The following LAMA1 variants were observed in gnomAD, a reference collection of about 807,000 sequenced individuals.
LAMA1 encodes laminin subunit alpha-1.
In LAMA1, 219 loss-of-function variants were observed where a neutral mutation model predicts 348.7. That is an observed-to-expected ratio of 0.63 (90% CI 0.56 to 0.70). The LOEUF (loss-of-function observed/expected upper bound fraction) is 0.70. Ranked by LOEUF, LAMA1 falls within the 30% of genes least tolerant of loss-of-function variation. The pLI, the probability that LAMA1 is intolerant of heterozygous loss-of-function variation, is 0.00. For synonymous variants in LAMA1, 1,487 were observed against 1,491.0 expected (o/e 1.00, Z 0.06); for missense variants, 3,744 against 3,888.0 (o/e 0.96, Z 0.99).
intron 44 of LAMA1, among the ~76,000 whole-genome samples, chr18:6,976,663 G>A (rs964990524): frequency 6.6e-6 from 1 of 151,884 alleles, no homozygotes; most frequent in African/African-American, 2.4e-5. Context: ...CTGGAGTGCA[G>A]TGGCGTGATC....
chr18:7,042,869 G>A (rs1004458616), intron 8 of LAMA1: 7 of 245,632 alleles, frequency 2.8e-5, no homozygotes, highest in African/African-American at 1.2e-4. Context: ...GCGACAGAGC[G>A]AGACTCCGTC....
At chr18:7,048,097 G>A (rs79948100) in intron 5 of LAMA1, among the ~76,000 whole-genome samples, 2,486 of 152,154 alleles carry the variant, frequency 0.016, 58 homozygotes, top group African/African-American at 0.056. Flanking sequence ...CAAGTAGAAC[G>A]GATATGTTTG....
chr18:6,949,432 G>A (rs2057536728), intron 58 of LAMA1, among the ~76,000 whole-genome samples, 173 bp from the exon 59 acceptor site: 1 of 152,210 alleles, frequency 6.6e-6, no homozygotes, highest in Non-Finnish European at 1.5e-5. Flanking sequence ...GGATGAGCCT[G>A]GCAGAAGAAA....
intron 3 of LAMA1, among the ~76,000 whole-genome samples, chr18:7,077,396 G>A (rs1018360271): frequency 1.4e-4 from 22 of 151,814 alleles, no homozygotes; most frequent in East Asian, 9.7e-4. Context: ...TAGTAGAGAC[G>A]GGATTTCACT....
intron 3 of LAMA1, among the ~76,000 whole-genome samples, chr18:7,064,237 T>A (rs2058113602): frequency 6.6e-6 from 1 of 151,848 alleles, no homozygotes; most frequent in African/African-American, 2.4e-5. Flanking sequence ...AAGGTTACAA[T>A]GGTAAATTTT....
Position 7,016,655 on chromosome 18 carries a change from A to G in LAMA1, c.2825T>C (p.Leu942Pro), listed in dbSNP as rs1189978581. 1.9e-6 allele frequency: 3 copies of G among 1,613,212 alleles called. No homozygotes were observed. The highest frequency in any genetic ancestry group is 1.7e-5 in the Admixed American group (1 of 59,884). Residue 942 changes from leucine to proline, a missense_variant, in exon 21 of 63, where the codon CTG (leucine) becomes CCG (proline). Physicochemically the swap from Leu to Pro is moderately conservative, Grantham distance 98. Around this residue, in one of 3 missense-constraint regions of LAMA1, gnomAD observed 1,529 missense variants for 1,689.4 expected, o/e 0.91. Coordinates refer to ENST00000389658, the MANE Select transcript of LAMA1 (RefSeq NM_005559.4). ...CDQCLHGYYG[L>P]DSGHGCRPCN... ...GGGCCGGCAGCCATGGCCTGAGTCC[A>G]GCCCATAATAGCCATGCTGTTTCAC...
chr18:7,099,040 G>C (rs2058279411), intron 1 of LAMA1, among the ~76,000 whole-genome samples: 1 of 152,034 alleles, frequency 6.6e-6, no homozygotes, highest in Non-Finnish European at 1.5e-5. Flanking sequence ...GGAAAGGCGG[G>C]GAAAAGATTG....
At chr18:7,067,307 A>T (rs1336233673) in intron 3 of LAMA1, among the ~76,000 whole-genome samples, 1 of 152,202 alleles carries the variant, frequency 6.6e-6, no homozygotes, top group Non-Finnish European at 1.5e-5. Flanking sequence ...ATATCCATAA[A>T]GTGAAATTAC....
intron 45 of LAMA1, among the ~76,000 whole-genome samples, 165 bp from the exon 46 acceptor site, chr18:6,975,201 T>C (rs986189996): frequency 6.6e-6 from 1 of 152,194 alleles, no homozygotes; most frequent in South Asian, 2.1e-4. Flanking sequence ...AAATGGTCCC[T>C]TCCCTGGAGC....
intron 8 of LAMA1, 177 bp downstream of exon 8, chr18:7,043,050 T>C: frequency 1.6e-6 from 1 of 638,984 alleles, no homozygotes; most frequent in Non-Finnish European, 2.7e-6. Context: ...GACATCTTAT[T>C]TTGAGCAAGA....
chr18:7,094,233 G>C (rs1195867366), intron 1 of LAMA1, among the ~76,000 whole-genome samples: 1 of 151,730 alleles, frequency 6.6e-6, no homozygotes, highest in African/African-American at 2.4e-5. Context: ...GACCATCCTG[G>C]CTAACACAGT....
chr18:6,978,436 T>A (rs2057693243), intron 42 of LAMA1, 58 bp from the exon 43 acceptor site: 3 of 1,430,926 alleles, frequency 2.1e-6, no homozygotes, highest in Admixed American at 3.4e-5. Context: ...GAGAAAAGAA[T>A]AAAACGACAA....
In LAMA1 at chr18:7,081,358, T is replaced by G. The variant is rs115019430; in HGVS notation, c.62-901A>C. Among the ~76,000 whole-genome samples, 268 of 152,348 alleles carry G rather than the reference T, an allele frequency of 1.8e-3. 1 individual carries two copies. The highest frequency in any genetic ancestry group is 5.9e-3 in the African/African-American group (247 of 41,580). ...AAGGGCATTTATTCTGTCCTCACTT[T>G]GGTCCAGTTGACTCTGGTAGTATTT... On this transcript the variant is annotated intron_variant, in intron 1 of 62. Transcript: ENST00000389658.
At chr18:6,967,404 G>A (rs1423544222) in intron 48 of LAMA1, among the ~76,000 whole-genome samples, 3 of 152,114 alleles carry the variant, frequency 2.0e-5, no homozygotes, top group Non-Finnish European at 2.9e-5. Context: ...TGCATGTGCC[G>A]GAGGATAGAG....
intron 1 of LAMA1, among the ~76,000 whole-genome samples, chr18:7,111,242 G>A (rs2058334856): frequency 6.6e-6 from 1 of 152,178 alleles, no homozygotes; most frequent in Non-Finnish European, 1.5e-5. Flanking sequence ...CACGCACACT[G>A]AAGTCACACT....
chr18:7,045,486 T>A (rs770645570), intron 6 of LAMA1, among the ~76,000 whole-genome samples: 50 of 152,202 alleles, frequency 3.3e-4, no homozygotes, highest in African/African-American at 1.0e-3. Flanking sequence ...ATAAAAATTT[T>A]AAAAAATAAA....
intron 1 of LAMA1, among the ~76,000 whole-genome samples, chr18:7,101,403 G>A (rs1049552737): frequency 3.9e-5 from 6 of 152,056 alleles, no homozygotes; most frequent in East Asian, 1.9e-4. Context: ...TTAGGAAGGC[G>A]GCCAATCACC....
rs1003430155 is a variant in LAMA1 at position 7,018,917 on chromosome 18, C to T, written c.2702-1533G>A. Among the ~76,000 whole-genome samples the T allele has an allele frequency of 3.9e-5, 6 of 152,096 alleles. No homozygotes were observed. The East Asian group carries it at 9.7e-4, about 25-fold the overall frequency. On this transcript the variant is annotated intron_variant, in intron 19 of 62. Transcript: ENST00000389658. ...CCTTCATGATCTAGGCCAGGCTGGCCGTCTGTTTTCCTGGAGTGGGGGCCT... is the reference window on the plus strand; with the variant it reads ...CCTTCATGATCTAGGCCAGGCTGGCTGTCTGTTTTCCTGGAGTGGGGGCCT...
chr18:6,963,728 T>C (rs138217507), intron 51 of LAMA1, among the ~76,000 whole-genome samples: 118 of 152,348 alleles, frequency 7.7e-4, no homozygotes, highest in African/African-American at 2.8e-3. Context: ...TGTCTTACCT[T>C]GACTATTGGA....
Sources: allele counts gnomAD v4.1 joint callset (sites outside exome capture counted in the v4.1 genomes callset), GRCh38; gene constraint gnomAD v4.1.1; regional missense constraint gnomAD v4.1.1; transcripts MANE v1.5; gene names NCBI Gene and HGNC (gene_info 2026-07-23, HGNC 2026-07-21).